The following GLRA1 variants were observed in gnomAD, a reference collection of about 807,000 sequenced individuals.
The protein encoded by GLRA1 is glycine receptor subunit alpha-1.
Under a neutral mutation model 48.3 loss-of-function variants are expected in GLRA1, and 37 were observed. The observed-to-expected ratio is 0.77, with a 90% CI of 0.59 to 1.01. The LOEUF is 1.01. GLRA1 is among the 50% of genes least tolerant of loss of function. The probability of loss-of-function intolerance (pLI) is 0.00; values close to 1 mark genes in which losing one functional copy is unlikely to be tolerated. For missense variants in GLRA1, 427 were observed against 571.0 expected, an observed-to-expected ratio of 0.75 and a Z score of 2.57; for synonymous variants, 196 against 210.7, an observed-to-expected ratio of 0.93 and a Z score of 0.60.
At chr5:151,857,379 C>T (rs1753076071) in intron 4 of GLRA1, among the ~76,000 whole-genome samples, 1 of 152,156 alleles carries the variant, frequency 6.6e-6, no homozygotes, top group African/African-American at 2.4e-5. Flanking sequence ...TCTTTCTGGC[C>T]TCTGGAGACC....
At position 151,829,082 on chromosome 5, in the gene GLRA1, G is replaced by C; in HGVS notation, c.913-15C>G. On this transcript the variant is annotated splice_polypyrimidine_tract_variant and intron_variant, in intron 7 of 8. Transcript: ENST00000274576. ...ACATAGGACACCTAGAGTGGGGGTG[G>C]AGGAGAAACAGGGAGGTGAAAGCAG... 1 of 1,613,118 alleles carries C rather than the reference G, an allele frequency of 6.2e-7. No homozygotes were observed. Among genetic ancestry groups the C allele is most frequent in the African/African-American group, 1.3e-5 (1 of 75,030 alleles).
intron 2 of GLRA1, among the ~76,000 whole-genome samples, chr5:151,890,916 T>TA (rs1554086180): frequency 1.3e-5 from 2 of 151,968 alleles, no homozygotes; most frequent in Admixed American, 6.6e-5. Flanking sequence ...TCAAGGTAAA[T>TA]GGGGAGAGTG....
chr5:151,886,920 C>T, intron 2 of GLRA1, 132 bp from the exon 3 acceptor site: 4 of 736,246 alleles, frequency 5.4e-6, no homozygotes, highest in Non-Finnish European at 1.0e-5. Flanking sequence ...GCTCTCCACC[C>T]CACCCCCAAG....
At chr5:151,835,101 G>A (rs1763539869) in intron 7 of GLRA1, among the ~76,000 whole-genome samples, 1 of 150,322 alleles carries the variant, frequency 6.7e-6, no homozygotes, top group African/African-American at 2.5e-5. Flanking sequence ...TATCACCACT[G>A]ATCCCACAGA....
intron 6 of GLRA1, among the ~76,000 whole-genome samples, chr5:151,852,193 A>G (rs771706391): frequency 1.3e-5 from 2 of 152,042 alleles, no homozygotes; most frequent in Non-Finnish European, 2.9e-5. Context: ...ATGACTCCCT[A>G]TATGCCATCC....
chr5:151,884,422 C>A (rs1430684097), intron 3 of GLRA1, among the ~76,000 whole-genome samples: 1 of 45,982 alleles, frequency 2.2e-5, no homozygotes. Flanking sequence ...GGGTGAAACT[C>A]TGTCTCAAAA....
chr5:151,824,485 G>A (rs563010590), intron 8 of GLRA1, among the ~76,000 whole-genome samples: 2 of 152,256 alleles, frequency 1.3e-5, no homozygotes, highest in African/African-American at 4.8e-5. Flanking sequence ...GTCTCATCTT[G>A]TGCCATTTCT....
intron 4 of GLRA1, among the ~76,000 whole-genome samples, chr5:151,857,691 G>A (rs978034747): frequency 6.6e-6 from 1 of 152,192 alleles, no homozygotes; most frequent in Non-Finnish European, 1.5e-5. Context: ...TATTTTGGTT[G>A]TTCAACCCTG....
chr5:151,829,674 A>T (rs1383023126), intron 7 of GLRA1, among the ~76,000 whole-genome samples: 2 of 152,262 alleles, frequency 1.3e-5, no homozygotes, highest in African/African-American at 4.8e-5. Context: ...TTTTTAGAAT[A>T]TTCACACATA....
intron 1 of GLRA1, among the ~76,000 whole-genome samples, chr5:151,899,583 G>C (rs1034679513): frequency 2.6e-5 from 4 of 152,108 alleles, no homozygotes; most frequent in African/African-American, 9.7e-5. Flanking sequence ...AAGGGACTTG[G>C]GGATTGTTGT....
intron 3 of GLRA1, among the ~76,000 whole-genome samples, chr5:151,881,702 A>C (rs568852508): frequency 2.6e-5 from 4 of 152,020 alleles, no homozygotes; most frequent in Non-Finnish European, 5.9e-5. Context: ...AGAGTCCCAG[A>C]AAAGGTCAGT....
chr5:151,836,915 T>A (rs1013946154), intron 7 of GLRA1, among the ~76,000 whole-genome samples: 7 of 152,024 alleles, frequency 4.6e-5, no homozygotes, highest in Non-Finnish European at 1.5e-5. Context: ...CCAAAAGCAA[T>A]GGCAACAAAA....
intron 6 of GLRA1, among the ~76,000 whole-genome samples, chr5:151,853,902 TAC>T (rs200453054): frequency 4.0e-5 from 6 of 151,786 alleles, no homozygotes; most frequent in Non-Finnish European, 8.8e-5. Context: ...CACACACACA[TAC>T]ACACACACAC....
At chr5:151,854,171 G>T (rs1386188808) in intron 6 of GLRA1, among the ~76,000 whole-genome samples, 2 of 152,204 alleles carry the variant, frequency 1.3e-5, no homozygotes, top group African/African-American at 4.8e-5. Flanking sequence ...TACCATTATG[G>T]CTCAAGGAAC....
intron 1 of GLRA1, among the ~76,000 whole-genome samples, chr5:151,902,739 A>G (rs570838823): frequency 3.0e-4 from 46 of 152,212 alleles, no homozygotes; most frequent in African/African-American, 1.1e-3. Context: ...TTGAGTGGTT[A>G]TGAAGTACTG....
At chr5:151,868,391 T>C (rs1753390071) in intron 3 of GLRA1, among the ~76,000 whole-genome samples, 1 of 152,202 alleles carries the variant, frequency 6.6e-6, no homozygotes, top group Non-Finnish European at 1.5e-5. Context: ...GACCTTTATG[T>C]GTGTTATTTT....
chr5:151,898,793 A>G (rs1177134528), intron 1 of GLRA1, among the ~76,000 whole-genome samples: 1 of 152,214 alleles, frequency 6.6e-6, no homozygotes, highest in Admixed American at 6.5e-5. Flanking sequence ...AGTCAGCACT[A>G]TAATTGAGGA....
chr5:151,924,643 A>C lies in GLRA1; in HGVS notation c.-94T>G, dbSNP rs543726938. 3 of 822,736 alleles carry C rather than the reference A, an allele frequency of 3.6e-6. No individual in the cohort carries two copies. Among genetic ancestry groups the C allele is most frequent in the Non-Finnish European group, 6.6e-6 (3 of 457,488 alleles). The allele number at this position is 822,736 out of a possible 1,614,324, so 51.0% of individuals were successfully genotyped here. ...AAACCAGAAAGCGCTATTGCAAAAA[A>C]TAATCCAGATGTTAAAGGGAGGCGG... On this transcript the variant is annotated 5_prime_UTR_variant, in exon 1 of 9. Transcript: ENST00000274576.
At chr5:151,923,153 T>A (rs185669179) in intron 1 of GLRA1, among the ~76,000 whole-genome samples, 1 of 152,328 alleles carries the variant, frequency 6.6e-6, no homozygotes, top group Admixed American at 6.5e-5. Flanking sequence ...AATAATTGTT[T>A]GAACAGGAGA....
Sources: gnomAD v4.1 joint callset for allele counts (sites outside exome capture counted in the v4.1 genomes callset) on GRCh38, gnomAD v4.1.1 for gene constraint, MANE v1.5 for transcripts, NCBI Gene and HGNC (gene_info 2026-07-23, HGNC 2026-07-21) for gene names.